ACTN4: variants seen among roughly 807,000 people sequenced by gnomAD.
The protein encoded by ACTN4 is alpha-actinin-4.
ACTN4 carries 18 observed loss-of-function variants against 114.2 expected under a neutral mutation model. The ratio of observed to expected loss-of-function variants is 0.16; its 90% CI spans 0.11 to 0.23. The LOEUF is 0.23. ACTN4 is among the 10% of genes least tolerant of loss of function. The pLI is 1.00. For synonymous variants in ACTN4, 515 were observed against 506.3 expected, an observed-to-expected ratio of 1.02 and a Z score of -0.23; for missense variants, 722 against 1,262.9, an observed-to-expected ratio of 0.57 and a Z score of 6.49.
Position 38,729,476 on chromosome 19 carries a change from G to T in ACTN4, c.*44G>T. 1 of 1,513,548 alleles carries T rather than the reference G, an allele frequency of 6.6e-7. No individual in the cohort carries two copies. The highest frequency in any genetic ancestry group is 9.0e-7 in the Non-Finnish European group (1 of 1,116,852). 93.8% of individuals were successfully genotyped at this position (1,513,548 alleles called of 1,614,324 possible). On this transcript the variant is annotated 3_prime_UTR_variant, in exon 21 of 21. Transcript: ENST00000252699. ...CAACACCCCCGACGGCCTCCAGGAG[G>T]GGCCTGGGCAGCCCCACAGTCCCAT...
intron 1 of ACTN4, among the ~76,000 whole-genome samples, chr19:38,686,763 G>A (rs557769099): frequency 2.0e-4 from 31 of 152,218 alleles, no homozygotes; most frequent in Admixed American, 1.2e-3. Flanking sequence ...GTTCTTTGAC[G>A]TATAATCTGA....
At chr19:38,681,539 GGTGTTCC>G (rs1161681072) in intron 1 of ACTN4, among the ~76,000 whole-genome samples, 1 of 152,160 alleles carries the variant, frequency 6.6e-6, no homozygotes. Context: ...TCTTGCCCTT[GGTGTTCC>G]CACTCTGCAG....
chr19:38,649,411 G>A (rs1056894104), intron 1 of ACTN4, among the ~76,000 whole-genome samples: 8 of 151,990 alleles, frequency 5.3e-5, no homozygotes, highest in African/African-American at 1.7e-4. Flanking sequence ...TGGGTGGGAG[G>A]TACTTGAAGT....
At position 38,729,102 on chromosome 19, in the gene ACTN4, C is replaced by T. The variant is rs777969252; in HGVS notation, c.2525C>T (p.Thr842Met). 4.3e-6 allele frequency: 7 copies of T among 1,613,438 alleles called. No individual in the cohort carries two copies. The highest frequency in any genetic ancestry group is 2.7e-5 in the African/African-American group (2 of 75,032). ...IDFMSRETTDTDTADQVIASF... is the reference protein window; with the variant it reads ...IDFMSRETTDMDTADQVIASF... ...TTCATGTCGCGGGAGACCACCGACA[C>T]GGACACGGCTGACCAGGTCATCGCT... The change falls in exon 20 of 21, where the codon ACG becomes ATG. Residue 842 changes from threonine (T) to methionine (M), a missense_variant. By Grantham distance (81) the Thr-to-Met change is moderately conservative. Around this residue, in one of 3 missense-constraint regions of ACTN4, gnomAD observed 523 missense variants for 875.9 expected, o/e 0.60. Coordinates refer to ENST00000252699, the MANE Select transcript of ACTN4 (RefSeq NM_004924.6).
At chr19:38,687,155 G>A (rs1285156547) in intron 1 of ACTN4, among the ~76,000 whole-genome samples, 3 of 151,810 alleles carry the variant, frequency 2.0e-5, no homozygotes, top group Admixed American at 6.6e-5. Context: ...TAGTAGAGAC[G>A]GCTGGTCTCT....
At position 38,724,193 on chromosome 19, in the gene ACTN4, C is replaced by T; in HGVS notation, c.1729C>T (p.Leu577=). Reference sequence around the variant, plus strand: ...AGCCCATGACCAGTTCAAGTCCACCCTGCCGGACGCCGATAGGGAGCGCGA... The same window carrying T: ...AGCCCATGACCAGTTCAAGTCCACCTTGCCGGACGCCGATAGGGAGCGCGA... ...ISAHDQFKST[L]PDADREREAI... is the part of the protein sequence containing the mutation. The change falls in exon 15 of 21, where the codon CTG becomes TTG. Residue 577 remains leucine (L), a synonymous_variant. Transcript: ENST00000252699. This position sits in a 1 kb window ranked among gnomAD's most constrained non-coding sequence, Gnocchi z 7.0. 3.1e-6 allele frequency: 5 copies of T among 1,613,946 alleles called. No homozygotes were observed. The highest frequency in any genetic ancestry group is 4.2e-6 in the Non-Finnish European group (5 of 1,180,040).
intron 7 of ACTN4, 44 bp from the exon 8 acceptor site, chr19:38,710,213 C>G (rs771129935): frequency 6.2e-7 from 1 of 1,604,604 alleles, no homozygotes; most frequent in Non-Finnish European, 8.5e-7. Flanking sequence ...CGCCTCCACC[C>G]CCCGCCCTAC....
At chr19:38,698,290 A>C (rs1968156905) in intron 1 of ACTN4, among the ~76,000 whole-genome samples, 1 of 152,104 alleles carries the variant, frequency 6.6e-6, no homozygotes, top group Non-Finnish European at 1.5e-5. Context: ...CACGTTGCAG[A>C]GGAGGAAATG....
intron 1 of ACTN4, among the ~76,000 whole-genome samples, chr19:38,664,001 C>T (rs966038545): frequency 1.3e-5 from 2 of 152,226 alleles, no homozygotes; most frequent in Admixed American, 1.3e-4. Context: ...TGTCTCAGCC[C>T]CTCAGGGCGT....
At chr19:38,667,446 C>G (rs1236739986) in intron 1 of ACTN4, among the ~76,000 whole-genome samples, 12 of 152,136 alleles carry the variant, frequency 7.9e-5, no homozygotes, top group Non-Finnish European at 1.5e-5. Context: ...ATATTCTTAG[C>G]TGGGTTCAAC....
At chr19:38,714,900 GGA>G (rs1024398666) in intron 9 of ACTN4, among the ~76,000 whole-genome samples, 11 of 152,236 alleles carry the variant, frequency 7.2e-5, no homozygotes, top group South Asian at 2.1e-4. Flanking sequence ...CCCTGGCCCT[GGA>G]GAGAGTGATT....
chr19:38,650,737 G>GTTGTTTGTTTGT (rs578119525), intron 1 of ACTN4, among the ~76,000 whole-genome samples: 1 of 152,042 alleles, frequency 6.6e-6, no homozygotes, highest in Non-Finnish European at 1.5e-5. Context: ...GGCTGGCTGG[G>GTTGTTTGTTTGT]TTGTTTGTTT....
At chr19:38,726,816 G>A (rs1409855766) in intron 17 of ACTN4, 141 bp from the exon 18 acceptor site, 3 of 1,282,860 alleles carry the variant, frequency 2.3e-6, no homozygotes, top group Non-Finnish European at 3.2e-6. Context: ...GAGGCACCAT[G>A]GCCCGTGTCC....
intron 1 of ACTN4, among the ~76,000 whole-genome samples, chr19:38,675,853 G>T (rs1040256201): frequency 6.6e-6 from 1 of 152,212 alleles, no homozygotes; most frequent in East Asian, 1.9e-4. Context: ...GAGGGCCCCA[G>T]TGTGTTGTTG....
At chr19:38,660,584 C>T (rs1395682194) in intron 1 of ACTN4, among the ~76,000 whole-genome samples, 1 of 151,876 alleles carries the variant, frequency 6.6e-6, no homozygotes, top group East Asian at 1.9e-4. Context: ...TTAGTAGAGA[C>T]GGGGTTTCTC....
At chr19:38,690,733 C>G (rs1967896894) in intron 1 of ACTN4, among the ~76,000 whole-genome samples, 1 of 152,230 alleles carries the variant, frequency 6.6e-6, no homozygotes, top group Admixed American at 6.5e-5. Flanking sequence ...GCCACCTTGC[C>G]TAGCCTTGTT....
intron 1 of ACTN4, among the ~76,000 whole-genome samples, chr19:38,668,961 C>T (rs948221761): frequency 6.6e-6 from 1 of 151,986 alleles, no homozygotes; most frequent in Admixed American, 6.6e-5. Flanking sequence ...CGTAGGCTCC[C>T]CAGGGCTGAG....
chr19:38,712,393 G>A (rs1273022839), intron 8 of ACTN4, among the ~76,000 whole-genome samples: 3 of 152,142 alleles, frequency 2.0e-5, no homozygotes, highest in Non-Finnish European at 4.4e-5. Flanking sequence ...TTCCCCACCT[G>A]TGAAATGGGC....
Position 38,725,914 on chromosome 19 carries a change from GC to G in ACTN4, c.2190+15del. 6.2e-7 allele frequency: 1 copy of G among 1,613,402 alleles called. No individual in the cohort carries two copies. Among genetic ancestry groups the G allele is most frequent in the Non-Finnish European group, 8.5e-7 (1 of 1,180,028 alleles). On this transcript the variant is annotated intron_variant, in intron 17 of 20. Coordinates refer to ENST00000252699, the MANE Select transcript of ACTN4 (RefSeq NM_004924.6). ...AACTATACCATGGAGGTGCGCGGCT[GC>G]CCCGCCCGCTGGCCTTTCCACCAGC...
Sources: gnomAD v4.1 joint callset for allele counts (sites outside exome capture counted in the v4.1 genomes callset) on GRCh38, gnomAD v4.1.1 for gene constraint, gnomAD v4.1.1 regional missense constraint, Gnocchi (gnomAD v3.1) non-coding constraint, MANE v1.5 for transcripts, NCBI Gene and HGNC (gene_info 2026-07-23, HGNC 2026-07-21) for gene names.